HMCN1: variants seen among roughly 807,000 people sequenced by gnomAD.
The protein encoded by HMCN1 is hemicentin 1.
HMCN1 carries 321 observed loss-of-function variants against 625.9 expected under a neutral mutation model. That is an observed-to-expected ratio of 0.51 (90% confidence interval 0.47 to 0.56). HMCN1 has a LOEUF of 0.56. HMCN1 is among the 20% of genes least tolerant of loss of function. The pLI is 0.00. For missense variants in HMCN1, 6,588 were observed against 6,887.3 expected (o/e 0.96, Z 1.54); for synonymous variants, 2,425 against 2,417.6 (o/e 1.00, Z -0.09).
At chr1:186,025,341 C>A (rs930535137) in intron 36 of HMCN1, among the ~76,000 whole-genome samples, 1 of 152,176 alleles carries the variant, frequency 6.6e-6, no homozygotes, top group African/African-American at 2.4e-5. Context: ...GAGTGTATGT[C>A]TCCAGTCCTG....
intron 1 of HMCN1, among the ~76,000 whole-genome samples, chr1:185,803,196 A>G (rs554134231): frequency 8.8e-4 from 125 of 142,586 alleles, no homozygotes; most frequent in African/African-American, 3.5e-3. Flanking sequence ...ACCAAAAAAA[A>G]AAAAAAAGCA....
In HMCN1 at chr1:186,132,367, G is replaced by T; in HGVS notation, c.13270G>T (p.Glu4424Ter). ...AGDYTCVATN[E>*]AGVVERSMSL... Reference sequence around the variant, plus strand: ...TGACTATACATGTGTAGCTACCAATGAAGCTGGGGTGGTGGAGCGCAGCAT... The same window carrying T: ...TGACTATACATGTGTAGCTACCAATTAAGCTGGGGTGGTGGAGCGCAGCAT... Residue 4424 changes from glutamate to a stop codon, truncating the protein, a stop_gained, in exon 86 of 107, where the codon GAA becomes TAA. Transcript: ENST00000271588. LOFTEE classifies it high-confidence loss of function. 6.2e-7 allele frequency: 1 copy of T among 1,612,928 alleles called. No individual in the cohort carries two copies. The highest frequency in any genetic ancestry group is 8.5e-7 in the Non-Finnish European group (1 of 1,179,466).
intron 11 of HMCN1, among the ~76,000 whole-genome samples, chr1:185,951,695 T>G (rs150007434): frequency 1.4e-5 from 2 of 147,170 alleles, no homozygotes; most frequent in East Asian, 4.0e-4. Flanking sequence ...AGATGGGACG[T>G]GGCTTAGGAG....
At chr1:185,866,235 T>C (rs1268602898) in intron 4 of HMCN1, among the ~76,000 whole-genome samples, 1 of 151,924 alleles carries the variant, frequency 6.6e-6, no homozygotes, top group Non-Finnish European at 1.5e-5. Context: ...AAAAGTTAAT[T>C]ATTGAGCAAA....
In HMCN1 at chr1:185,909,430, C is replaced by G. The variant is rs1378041530; in HGVS notation, c.715C>G (p.Pro239Ala). 1 of 1,613,552 alleles carries G rather than the reference C, an allele frequency of 6.2e-7. No homozygotes were observed. Among genetic ancestry groups the G allele is most frequent in the South Asian group, 1.1e-5 (1 of 91,084 alleles). ...ACAGGCTGTAAATACTTGGAGAATT[C>G]CTTTTGATCCCAGCCTGAAAGAGGT... is the stretch of plus-strand genomic sequence containing the variant. ...LEQAVNTWRI[P>A]FDPSLKEVTV... Residue 239 changes from proline (P) to alanine (A), a missense_variant, in exon 5 of 107, where the codon CCT becomes GCT. Coordinates refer to ENST00000271588, the MANE Select transcript of HMCN1 (RefSeq NM_031935.3).
chr1:185,981,457 G>A (rs959937799), intron 17 of HMCN1, among the ~76,000 whole-genome samples: 23 of 152,004 alleles, frequency 1.5e-4, no homozygotes, highest in Admixed American at 1.1e-3. Context: ...TTATTTCCAA[G>A]TAAGACATTT....
At chr1:186,049,936 G>A (rs941170352) in intron 42 of HMCN1, among the ~76,000 whole-genome samples, 7 of 151,546 alleles carry the variant, frequency 4.6e-5, no homozygotes, top group African/African-American at 1.7e-4. Context: ...GTTACTATAT[G>A]GTAAATTTAT....
At chr1:186,132,254 G>A in intron 85 of HMCN1, 74 bp from the exon 86 acceptor site, 3 of 989,434 alleles carry the variant, frequency 3.0e-6, no homozygotes, top group Admixed American at 1.9e-5. Flanking sequence ...AAATAAACTA[G>A]CATCATGGTG....
intron 1 of HMCN1, among the ~76,000 whole-genome samples, chr1:185,746,076 A>T (rs2102079998): frequency 6.6e-6 from 1 of 152,342 alleles, no homozygotes; most frequent in African/African-American, 2.4e-5. Flanking sequence ...GCATTTATAG[A>T]GTTCCTGAAA....
rs570404018 is a variant in HMCN1, at chr1:186,161,755, C to G, written c.15257-3356C>G. 5.9e-4 allele frequency among the ~76,000 whole-genome samples: 90 copies of G among 152,296 alleles called. 1 individual carries two copies. The highest frequency in any genetic ancestry group is 5.9e-3 in the Admixed American group (90 of 15,306). On this transcript the variant is annotated intron_variant, in intron 97 of 106. Coordinates refer to ENST00000271588, the MANE Select transcript of HMCN1 (RefSeq NM_031935.3). ...AGAATGTTGAATATTGGCCCCCACT[C>G]TCTTCTGGCTTGTAGAGTTTCTGCT...
At chr1:186,086,152 C>G in intron 57 of HMCN1, 94 bp from the exon 58 acceptor site, 1 of 1,162,812 alleles carries the variant, frequency 8.6e-7, no homozygotes, top group Non-Finnish European at 1.3e-6. Context: ...TAACTCAGTC[C>G]TTTAGCAGAG....
intron 69 of HMCN1, among the ~76,000 whole-genome samples, chr1:186,104,653 T>G (rs1317722690): frequency 6.6e-6 from 1 of 152,178 alleles, no homozygotes; most frequent in Non-Finnish European, 1.5e-5. Context: ...GCAGAGAGAT[T>G]AAGTACTTAT....
chr1:186,026,598 C>T (rs538400656), intron 36 of HMCN1, among the ~76,000 whole-genome samples: 1 of 152,196 alleles, frequency 6.6e-6, no homozygotes, highest in Non-Finnish European at 1.5e-5. Flanking sequence ...ATTTATCAAC[C>T]AACCCTGTAG....
At chr1:186,038,769 C>T in intron 37 of HMCN1, 60 bp from the exon 38 acceptor site, 1 of 928,308 alleles carries the variant, frequency 1.1e-6, no homozygotes, top group Non-Finnish European at 1.8e-6. Flanking sequence ...TAAGATCCAA[C>T]TTAGTATATT....
rs1450308181 is a variant in HMCN1 at position 186,053,861 on chromosome 1, G to A, written c.6737G>A (p.Arg2246Lys). ...CTGACTGATTCCATGGGGCGAGTTA[G>A]AATTTTATCTGGGGGCAGGCAATTA... ...PVLTDSMGRV[R>K]ILSGGRQLQI... The change falls in exon 44 of 107, where the codon AGA (arginine) becomes AAA (lysine). Residue 2246 changes from arginine (R) to lysine (K), a missense_variant. Transcript: ENST00000271588. 6.2e-7 allele frequency: 1 copy of A among 1,612,708 alleles called. No individual in the cohort carries two copies. Among genetic ancestry groups the A allele is most frequent in the Non-Finnish European group, 8.5e-7 (1 of 1,179,176 alleles).
intron 29 of HMCN1, among the ~76,000 whole-genome samples, chr1:186,005,645 G>A (rs1653576456): frequency 6.6e-6 from 1 of 151,920 alleles, no homozygotes; most frequent in South Asian, 2.1e-4. Context: ...TAAAAAACAT[G>A]GAAGAATACA....
chr1:185,899,328 A>G (rs1339482487), intron 4 of HMCN1, among the ~76,000 whole-genome samples: 1 of 152,188 alleles, frequency 6.6e-6, no homozygotes, highest in Non-Finnish European at 1.5e-5. Context: ...AGAGAATATT[A>G]CAATTTTTTT....
rs71557837 is a variant in HMCN1, at chr1:185,877,321, C to CTT, written c.621+11487_621+11488dup. On this transcript the variant is annotated intron_variant, in intron 4 of 106. Transcript: ENST00000271588. ...CTATTTCATTGATCTATGTGTCTTT[C>CTT]TTTTTTTTTTTTTTTTTTTTTTTTT... Among the ~76,000 whole-genome samples the CTT allele has an allele frequency of 1.3e-3, 45 of 34,906 alleles. 3 individuals are homozygous for CTT. The highest frequency in any genetic ancestry group is 2.1e-3 in the African/African-American group (21 of 9,806). The allele number at this position is 34,906 out of a possible 152,430, so 22.9% of individuals were successfully genotyped here.
At chr1:185,874,279 T>C (rs1418147033) in intron 4 of HMCN1, among the ~76,000 whole-genome samples, 1 of 152,028 alleles carries the variant, frequency 6.6e-6, no homozygotes, top group Non-Finnish European at 1.5e-5. Context: ...ATATCATGAT[T>C]TATCGTTGCT....
Sources: allele counts gnomAD v4.1 joint callset (sites outside exome capture counted in the v4.1 genomes callset), GRCh38; gene constraint gnomAD v4.1.1; transcripts MANE v1.5; gene names NCBI Gene and HGNC (gene_info 2026-07-23, HGNC 2026-07-21).